Variants in OR2Z1 observed in about 807,000 individuals in gnomAD.
The protein encoded by OR2Z1 is olfactory receptor 2Z1.
For missense variants in OR2Z1, 449 were observed against 401.8 expected, an observed-to-expected ratio of 1.12 and a Z score of -1.00; for synonymous variants, 188 against 160.6, an observed-to-expected ratio of 1.17 and a Z score of -1.29.
chr19:8,727,885 C>T (rs562452102), intron 2 of OR2Z1, among the ~76,000 whole-genome samples: 3 of 152,226 alleles, frequency 2.0e-5, no homozygotes, highest in African/African-American at 7.2e-5. Context: ...CAAAACCAAA[C>T]CAAACAAAAA....
At chr19:8,726,915 C>T (rs2043329950) in intron 2 of OR2Z1, among the ~76,000 whole-genome samples, 1 of 151,818 alleles carries the variant, frequency 6.6e-6, no homozygotes, top group South Asian at 2.1e-4. Context: ...TAAATTTAAC[C>T]CCATGCACTC....
At chr19:8,725,801 A>G (rs1394988986) in intron 2 of OR2Z1, among the ~76,000 whole-genome samples, 1 of 152,230 alleles carries the variant, frequency 6.6e-6, no homozygotes, top group African/African-American at 2.4e-5. Context: ...TGGGTAATTT[A>G]TAAAGAAAAT....
At chr19:8,728,912 G>A (rs782283954) in intron 2 of OR2Z1, 3 of 663,786 alleles carry the variant, frequency 4.5e-6, no homozygotes, top group Middle Eastern at 4.4e-4. Context: ...TGTCCACAAT[G>A]AACGAAAGTG....
At chr19:8,727,667 G>A (rs1299802642) in intron 2 of OR2Z1, among the ~76,000 whole-genome samples, 2 of 152,218 alleles carry the variant, frequency 1.3e-5, no homozygotes, top group South Asian at 2.1e-4. Context: ...AGGAGTTTGA[G>A]ACCAGCCTGG....
rs1555755830 is a variant in OR2Z1, at chr19:8,723,094, T to A, written c.-214-12T>A. On this transcript the variant is annotated splice_polypyrimidine_tract_variant and intron_variant, in intron 1 of 2. Transcript: ENST00000641125. ...AGAGATCCCCAAAACCAGGGGTTTT[T>A]ATTTTTTTCAGATGCATCAAAGACA... The A allele has an allele frequency of 1.3e-5, 2 of 152,146 alleles. No individual in the cohort carries two copies. The highest frequency in any genetic ancestry group is 2.4e-5 in the African/African-American group (1 of 41,422). The allele number at this position is 152,146 out of a possible 1,614,324, so 9.4% of individuals were successfully genotyped here.
chr19:8,730,005 A>C (rs1174423658), intron 2 of OR2Z1, among the ~76,000 whole-genome samples: 1 of 152,074 alleles, frequency 6.6e-6, no homozygotes, highest in Non-Finnish European at 1.5e-5. Context: ...CACTGTGCCC[A>C]GCCAATTGTA....
chr19:8,731,830 C>CCA lies in OR2Z1; in HGVS notation c.805_806dup (p.Gln269HisfsTer25). On this transcript the variant is annotated frameshift_variant, in exon 3 of 3. Coordinates refer to ENST00000641125, the MANE Select transcript of OR2Z1 (RefSeq NM_001004699.3). LOFTEE classifies it low-confidence loss of function (END_TRUNC). Reference sequence around the variant, plus strand: ...CATGGTGCCTTGCGCCTACCACAGTCCACAGCAGGATAACGTGGTTTCCCT... The same window carrying CCA: ...CATGGTGCCTTGCGCCTACCACAGTCCACACAGCAGGATAACGTGGTTTCCCT... The CCA allele has an allele frequency of 6.2e-7, 1 of 1,614,196 alleles. No homozygotes were observed. Among genetic ancestry groups the CCA allele is most frequent in the Non-Finnish European group, 8.5e-7 (1 of 1,180,034 alleles).
chr19:8,726,200 C>A (rs139666890), intron 2 of OR2Z1, among the ~76,000 whole-genome samples: 201 of 152,226 alleles, frequency 1.3e-3, no homozygotes, highest in South Asian at 3.5e-3. Context: ...CTCCTGACCT[C>A]GTGATCGGCC....
chr19:8,723,613 CGTGTGT>C (rs147343112), intron 2 of OR2Z1, among the ~76,000 whole-genome samples: 3 of 150,436 alleles, frequency 2.0e-5, no homozygotes, highest in Non-Finnish European at 3.0e-5. Context: ...ACATACAGTG[CGTGTGT>C]GTGTGTGTGT....
Position 8,731,335 on chromosome 19 carries a change from T to C in OR2Z1, c.307T>C (p.Phe103Leu), listed in dbSNP as rs1568439538. Residue 103 changes from phenylalanine to leucine, a missense_variant, in exon 3 of 3, where the codon TTC (phenylalanine) becomes CTC (leucine). Physicochemically the swap from Phe to Leu is conservative, Grantham distance 22. Transcript: ENST00000641125. ...TGGAGGTGGTGCAGCTCAAATATTCTTCCTCACACTGATGGGTGTGGCTGA... is the reference window on the plus strand; with the variant it reads ...TGGAGGTGGTGCAGCTCAAATATTCCTCCTCACACTGATGGGTGTGGCTGA... ...SYGGGAAQIFFLTLMGVAEGV... is the reference protein window; with the variant it reads ...SYGGGAAQIFLLTLMGVAEGV... The C allele has an allele frequency of 2.5e-6, 4 of 1,614,080 alleles. No individual in the cohort carries two copies. Among genetic ancestry groups the C allele is most frequent in the Non-Finnish European group, 3.4e-6 (4 of 1,179,988 alleles).
chr19:8,722,825 C>G (rs782698920), intron 1 of OR2Z1, among the ~76,000 whole-genome samples: 50 of 152,144 alleles, frequency 3.3e-4, no homozygotes, highest in South Asian at 1.2e-3. Flanking sequence ...GGAAACATAG[C>G]AAGACCGCAT....
Position 8,730,943 on chromosome 19 carries a change from T to G in OR2Z1, c.-86T>G. ...CTACCAATCAATGATGATTGGCATG[T>G]GAGATGAAAATTATTTGCCACCCCA... On this transcript the variant is annotated 5_prime_UTR_variant, in exon 3 of 3. The change abolishes the stop of an existing upstream ORF in the 5' untranslated region. Coordinates refer to ENST00000641125, the MANE Select transcript of OR2Z1 (RefSeq NM_001004699.3). 281 of 987,050 alleles carry G rather than the reference T, an allele frequency of 2.8e-4. No homozygotes were observed. Among genetic ancestry groups the G allele is most frequent in the Non-Finnish European group, 4.0e-4 (257 of 647,954 alleles). The allele number at this position is 987,050 out of a possible 1,614,324, so 61.1% of individuals were successfully genotyped here.
rs782783557 is a variant in OR2Z1, at chr19:8,731,772, G to A, written c.744G>A (p.Val248=). The A allele has an allele frequency of 1.3e-5, 21 of 1,614,114 alleles. No homozygotes were observed. The highest frequency in any genetic ancestry group is 1.7e-5 in the Non-Finnish European group (20 of 1,180,050). ...CCTGCTCCTCGCACATCACGGTAGT[G>A]GGGCTCTTTTATGGTGCCGCCGTGT... ...VTTCSSHITV[V]GLFYGAAVFM... Residue 248 remains valine, a synonymous_variant, in exon 3 of 3, where the codon GTG becomes GTA. Coordinates refer to ENST00000641125, the MANE Select transcript of OR2Z1 (RefSeq NM_001004699.3).
rs782742754 is a variant in OR2Z1, at chr19:8,731,359, G to C, written c.331G>C (p.Glu111Gln). The change falls in exon 3 of 3, where the codon GAG becomes CAG. Residue 111 changes from glutamate to glutamine, a missense_variant. Physicochemically the swap from Glu to Gln is conservative, Grantham distance 29 (BLOSUM62 2). Transcript: ENST00000641125. ...CTTCCTCACACTGATGGGTGTGGCT[G>C]AGGGCGTCCTGTTGGTCCTCATGTC... ...IFFLTLMGVA[E>Q]GVLLVLMSYD... 4.3e-6 allele frequency: 7 copies of C among 1,614,160 alleles called. No homozygotes were observed. The highest frequency in any genetic ancestry group is 5.9e-6 in the Non-Finnish European group (7 of 1,180,028).
intron 2 of OR2Z1, among the ~76,000 whole-genome samples, chr19:8,723,363 C>A (rs1568437437): frequency 6.6e-6 from 1 of 152,130 alleles, no homozygotes; most frequent in East Asian, 1.9e-4. Flanking sequence ...CTCTGTGAAG[C>A]CTTCCCTGAT....
chr19:8,726,676 C>T (rs2043328913), intron 2 of OR2Z1, among the ~76,000 whole-genome samples: 1 of 152,106 alleles, frequency 6.6e-6, no homozygotes, highest in Non-Finnish European at 1.5e-5. Context: ...TGTTTTATGC[C>T]CATTCTAGGG....
chr19:8,729,330 A>T (rs187241613), intron 2 of OR2Z1: 28 of 439,196 alleles, frequency 6.4e-5, no homozygotes, highest in African/African-American at 5.5e-4. Context: ...AAGTGAGAAC[A>T]TGTGGTATTT....
intron 2 of OR2Z1, 82 bp from the exon 3 acceptor site, chr19:8,730,778 C>A: frequency 5.5e-6 from 3 of 550,206 alleles, no homozygotes; most frequent in Non-Finnish European, 9.7e-6. Context: ...TGTGGCCAAG[C>A]GTCTCATTCA....
chr19:8,731,874 C>T lies in OR2Z1; in HGVS notation c.846C>T (p.Thr282=). 6.2e-7 allele frequency: 1 copy of T among 1,614,170 alleles called. No homozygotes were observed. The highest frequency in any genetic ancestry group is 8.5e-7 in the Non-Finnish European group (1 of 1,180,032). The change falls in exon 3 of 3, where the codon ACC becomes ACT. Residue 282 remains threonine (T), a synonymous_variant. Transcript: ENST00000641125. ...NVVSLFYSLV[T]PTLNPLIYSL... ...TTTCCCTCTTCTATAGCCTTGTCAC[C>T]CCTACACTCAACCCCCTTATCTACA...
Sources: allele counts gnomAD v4.1 joint callset (sites outside exome capture counted in the v4.1 genomes callset), GRCh38; gene constraint gnomAD v4.1.1; transcripts MANE v1.5; gene names NCBI Gene and HGNC (gene_info 2026-07-23, HGNC 2026-07-21).